Variants in CYLD observed in about 807,000 individuals in gnomAD.
The protein encoded by CYLD is CYLD lysine 63 deubiquitinase.
Under a neutral mutation model 104.5 loss-of-function variants are expected in CYLD, and 26 were observed. The observed-to-expected ratio is 0.25, with a 90% confidence interval of 0.18 to 0.35. CYLD has a LOEUF of 0.35. Ranked by LOEUF, CYLD falls within the 10% of genes least tolerant of loss-of-function variation. The pLI is 1.00. For missense variants in CYLD, 703 were observed against 1,136.1 expected, an observed-to-expected ratio of 0.62 and a Z score of 5.48; for synonymous variants, 385 against 399.9, an observed-to-expected ratio of 0.96 and a Z score of 0.45.
At chr16:50,793,497 C>T (rs200678983) in intron 16 of CYLD, 49 bp from the exon 17 acceptor site, 36 of 1,204,548 alleles carry the variant, frequency 3.0e-5, no homozygotes, top group Non-Finnish European at 2.0e-5. Context: ...TGAAAGAATG[C>T]ATTTTTTTTA....
intron 11 of CYLD, among the ~76,000 whole-genome samples, chr16:50,782,850 A>G (rs1360664534): frequency 1.3e-5 from 2 of 152,048 alleles, no homozygotes; most frequent in Non-Finnish European, 2.9e-5. Flanking sequence ...CTTTAAAAAA[A>G]CGATTTTCAG....
intron 12 of CYLD, 128 bp from the exon 13 acceptor site, chr16:50,786,727 A>C (rs1051023879): frequency 7.1e-6 from 5 of 705,838 alleles, no homozygotes; most frequent in African/African-American, 5.4e-5. Context: ...GCCACTGCAC[A>C]CTCCAGCCTG....
In CYLD at chr16:50,800,625, A is replaced by C. The variant is rs1012688602; in HGVS notation, c.*4117A>C. On this transcript the variant is annotated 3_prime_UTR_variant, in exon 19 of 19. Transcript: ENST00000427738. ...TGAGATTCTAGGAGCCAAAAAAATGAAAACAAAATTCTAAGGCAAAGTTAA... is the reference window on the plus strand; with the variant it reads ...TGAGATTCTAGGAGCCAAAAAAATGCAAACAAAATTCTAAGGCAAAGTTAA... The C allele has an allele frequency of 4.3e-6, 1 of 232,676 alleles. No individual in the cohort carries two copies. Among genetic ancestry groups the C allele is most frequent in the Non-Finnish European group, 8.5e-6 (1 of 117,712 alleles). 14.4% of individuals were successfully genotyped at this position (232,676 alleles called of 1,614,324 possible). A position where few individuals can be genotyped will look rare whatever the true frequency, so the allele number is the denominator to read the frequency against.
At chr16:50,785,061 G>A (rs1970669742) in intron 12 of CYLD, 1 of 153,260 alleles carries the variant, frequency 6.5e-6, no homozygotes, top group South Asian at 2.0e-4. Context: ...ATTTGTAATG[G>A]TACAAGCACA....
At chr16:50,793,749 T>C in intron 17 of CYLD, 85 bp downstream of exon 17, 1 of 938,470 alleles carries the variant, frequency 1.1e-6, no homozygotes, top group Non-Finnish European at 1.8e-6. Flanking sequence ...TTTTGGAAAG[T>C]TTTTTAAAAT....
At chr16:50,795,860 G>A (rs1971989479) in intron 18 of CYLD, 5 of 526,204 alleles carry the variant, frequency 9.5e-6, no homozygotes, top group African/African-American at 1.9e-5. Flanking sequence ...GCCTGGTGAT[G>A]TGTCAAACAA....
intron 2 of CYLD, among the ~76,000 whole-genome samples, chr16:50,748,157 G>A (rs147745690): frequency 3.0e-4 from 46 of 152,180 alleles, no homozygotes; most frequent in Non-Finnish European, 4.7e-4. Flanking sequence ...TAATGGAAAT[G>A]GATACCTCTA....
chr16:50,787,863 A>G lies in CYLD; in HGVS notation c.2108+11A>G. ...TTTGCTAAAAATAAGGTAACCTTTA[A>G]ATTGTTCTAGAAGCATTGGAAAAAT... On this transcript the variant is annotated intron_variant, in intron 14 of 18. Coordinates refer to ENST00000427738, the MANE Select transcript of CYLD (RefSeq NM_001378743.1). The G allele has an allele frequency of 7.0e-7, 1 of 1,428,292 alleles. No individual in the cohort carries two copies. The highest frequency in any genetic ancestry group is 9.8e-7 in the Non-Finnish European group (1 of 1,016,118). 88.5% of individuals were successfully genotyped at this position (1,428,292 alleles called of 1,614,324 possible). A position where few individuals can be genotyped will look rare whatever the true frequency, so the allele number is the denominator to read the frequency against.
At chr16:50,747,428 AAGATACAGCC>A (rs1567418289) in intron 2 of CYLD, among the ~76,000 whole-genome samples, 2 of 152,242 alleles carry the variant, frequency 1.3e-5, no homozygotes, top group South Asian at 2.1e-4. Context: ...CAGGAAGCAT[AAGATACAGCC>A]TTTTAACAAA....
At chr16:50,779,201 G>T (rs1432003333) in intron 8 of CYLD, among the ~76,000 whole-genome samples, 2 of 152,100 alleles carry the variant, frequency 1.3e-5, no homozygotes, top group Non-Finnish European at 2.9e-5. Context: ...AAGCAATGAA[G>T]TCTATAAAAT....
At position 50,796,543 on chromosome 16, in the gene CYLD, C is replaced by T; in HGVS notation, c.*35C>T. 1 of 1,601,606 alleles carries T rather than the reference C, an allele frequency of 6.2e-7. No individual in the cohort carries two copies. Among genetic ancestry groups the T allele is most frequent in the Non-Finnish European group, 8.5e-7 (1 of 1,173,542 alleles). ...TCGGGAAAGGCAAAGAAACTGAAGG[C>T]AGAGTCCTAACGTTGCATCTTATTC... On this transcript the variant is annotated 3_prime_UTR_variant, in exon 19 of 19. Transcript: ENST00000427738.
chr16:50,764,300 A>G (rs1968262545), intron 5 of CYLD, among the ~76,000 whole-genome samples: 1 of 152,158 alleles, frequency 6.6e-6, no homozygotes, highest in Admixed American at 6.5e-5. Flanking sequence ...TATTTGACAA[A>G]GCTTCTTTTT....
chr16:50,795,464 T>G (rs1179822421), intron 18 of CYLD: 6 of 692,592 alleles, frequency 8.7e-6, no homozygotes, highest in Non-Finnish European at 1.6e-5. Flanking sequence ...CTATAAGGAG[T>G]TTGCAGGTTA....
chr16:50,748,262 A>T lies in CYLD; in HGVS notation c.-123-1314A>T, dbSNP rs554976918. 3.9e-5 allele frequency among the ~76,000 whole-genome samples: 6 copies of T among 152,344 alleles called. No homozygotes were observed. In the South Asian group the frequency reaches 1.0e-3, roughly 26 times the overall value. ...CCTAGGAAGTATTGTTTTCAGCAGA[A>T]AATTAATTAAAATAATGAAGTAAAG... On this transcript the variant is annotated intron_variant, in intron 2 of 18. Transcript: ENST00000427738.
rs1377184758 is a variant in CYLD at position 50,749,640 on chromosome 16, A to G, written c.-59A>G. 1.9e-6 allele frequency: 3 copies of G among 1,564,622 alleles called. No homozygotes were observed. The African/African-American group carries it at 4.1e-5, about 21-fold the overall frequency. On this transcript the variant is annotated 5_prime_UTR_variant, in exon 3 of 19. It removes an upstream start codon present in the reference 5' UTR. Coordinates refer to ENST00000427738, the MANE Select transcript of CYLD (RefSeq NM_001378743.1). ...CACTGAATTTATCTTTTGCGGTTTT[A>G]TGACAAAGTTATTAGTAGTTTCCCT...
chr16:50,749,934 A>T lies in CYLD; in HGVS notation c.236A>T (p.His79Leu). 6.2e-7 allele frequency: 1 copy of T among 1,614,130 alleles called. No homozygotes were observed. The highest frequency in any genetic ancestry group is 8.5e-7 in the Non-Finnish European group (1 of 1,180,010). The stretch of plus-strand genomic sequence containing the variant: ...GGATTAAAAATTCTAGAGCAACCTC[A>T]TGCAGTTCTCTTTGTTGATGAAAAG... ...QIGLKILEQPHAVLFVDEKDV... is the reference protein window; with the variant it reads ...QIGLKILEQPLAVLFVDEKDV... The change falls in exon 3 of 19, where the codon CAT becomes CTT. Residue 79 changes from histidine (H) to leucine (L), a missense_variant. His to Leu is a moderately conservative substitution (Grantham distance 99, BLOSUM62 -3). Transcript: ENST00000427738.
chr16:50,799,474 A>T lies in CYLD; in HGVS notation c.*2966A>T. On this transcript the variant is annotated 3_prime_UTR_variant, in exon 19 of 19. Transcript: ENST00000427738. ...AGGAAAACACGTTGAAAACTAGGAT[A>T]AACAGCAACAAAAATCAACTAAATA... 2 of 233,784 alleles carry T rather than the reference A, an allele frequency of 8.6e-6. No individual in the cohort carries two copies. The highest frequency in any genetic ancestry group is 1.7e-5 in the Non-Finnish European group (2 of 118,026). The allele number at this position is 233,784 out of a possible 1,614,324, so 14.5% of individuals were successfully genotyped here.
intron 5 of CYLD, among the ~76,000 whole-genome samples, chr16:50,759,481 C>A (rs1990752): frequency 0.068 from 10,390 of 152,056 alleles, 1,167 homozygotes; most frequent in African/African-American, 0.24. Context: ...TTAATTATAT[C>A]TCTGTAGCTA....
rs781521240 is a variant in CYLD, at chr16:50,784,405, G to A, written c.1903G>A (p.Glu635Lys). ...AAAGAACGATGTAGAATATTATAGT[G>A]AAACCCAAGAGCTACTGAGGACAGA... is the stretch of plus-strand genomic sequence containing the variant. Reference protein sequence around the residue: ...KEKNDVEYYSETQELLRTEIV... With the variant: ...KEKNDVEYYSKTQELLRTEIV... The change falls in exon 12 of 19, where the codon GAA becomes AAA. Residue 635 changes from glutamate to lysine, a missense_variant. By Grantham distance (56) the Glu-to-Lys change is moderately conservative (BLOSUM62 1). This residue lies in a region of CYLD where 125 missense variants were observed against 325.4 expected (regional missense o/e 0.38). Coordinates refer to ENST00000427738, the MANE Select transcript of CYLD (RefSeq NM_001378743.1). The A allele has an allele frequency of 1.2e-6, 2 of 1,613,446 alleles. No individual in the cohort carries two copies. Among genetic ancestry groups the A allele is most frequent in the South Asian group, 2.2e-5 (2 of 91,068 alleles).
Sources: gnomAD v4.1 joint callset for allele counts (sites outside exome capture counted in the v4.1 genomes callset) on GRCh38, gnomAD v4.1.1 for gene constraint, gnomAD v4.1.1 regional missense constraint, MANE v1.5 for transcripts, NCBI Gene and HGNC (gene_info 2026-07-23, HGNC 2026-07-21) for gene names.